MYO3A: variants seen among roughly 807,000 people sequenced by gnomAD.
The protein encoded by MYO3A is myosin-IIIa.
A neutral mutation model predicts 192.7 loss-of-function variants in MYO3A; 180 were observed. The ratio of observed to expected loss-of-function variants is 0.93; its 90% CI spans 0.83 to 1.06. MYO3A has a LOEUF of 1.06. Ranked by LOEUF, MYO3A falls within the 50% of genes least tolerant of loss-of-function variation. MYO3A has a pLI of 0.00. For missense variants in MYO3A, 1,896 were observed against 1,905.0 expected, an observed-to-expected ratio of 1.00 and a Z score of 0.09; for synonymous variants, 628 against 645.3, an observed-to-expected ratio of 0.97 and a Z score of 0.41.
chr10:26,201,419 GCCTGTAAT>G lies in MYO3A; in HGVS notation c.4586+117_4586+124del, dbSNP rs2132203930. 3 of 648,662 alleles carry G rather than the reference GCCTGTAAT, an allele frequency of 4.6e-6. No individual in the cohort carries two copies. In the East Asian group the frequency reaches 1.2e-4, roughly 25 times the overall value. The allele number at this position is 648,662 out of a possible 1,614,324, so 40.2% of individuals were successfully genotyped here. ...TTTTAGGCCAGGCGCGGTGGCTCAC[GCCTGTAAT>G]CCCAGAACTTTGGGAGGCCGAGGCG... On this transcript the variant is annotated intron_variant, in intron 33 of 34. Coordinates refer to ENST00000642920, the MANE Select transcript of MYO3A (RefSeq NM_017433.5).
chr10:26,076,676 G>A (rs1208295572), intron 14 of MYO3A, among the ~76,000 whole-genome samples: 1 of 152,210 alleles, frequency 6.6e-6, no homozygotes, highest in East Asian at 1.9e-4. Flanking sequence ...TTTGTGTAAG[G>A]TGAGAGATGA....
chr10:26,201,749 C>T (rs1843687032), intron 33 of MYO3A, among the ~76,000 whole-genome samples: 1 of 151,846 alleles, frequency 6.6e-6, no homozygotes, highest in Non-Finnish European at 1.5e-5. Context: ...AATGTGCACC[C>T]AATACATTTA....
intron 4 of MYO3A, among the ~76,000 whole-genome samples, chr10:25,966,197 A>G (rs1838256585): frequency 6.6e-6 from 1 of 152,138 alleles, no homozygotes; most frequent in African/African-American, 2.4e-5. Flanking sequence ...TACTTTGAAG[A>G]GGTATCTTCC....
Position 26,212,175 on chromosome 10 carries a change from G to A in MYO3A, c.*212G>A, listed in dbSNP as rs1440393381. 5 of 660,758 alleles carry A rather than the reference G, an allele frequency of 7.6e-6. No individual in the cohort carries two copies. The East Asian group carries it at 8.5e-5, about 11-fold the overall frequency. The allele number at this position is 660,758 out of a possible 1,614,324, so 40.9% of individuals were successfully genotyped here. On this transcript the variant is annotated 3_prime_UTR_variant, in exon 35 of 35. Transcript: ENST00000642920. ...TGGGAGCCCTCGGGAAACCTCCCCC[G>A]ACGCTCTCTCTCGGAACTCCCGCAC...
At position 26,027,990 on chromosome 10, in the gene MYO3A, C is replaced by G. The variant is rs141329708; in HGVS notation, c.953+1458C>G. Reference sequence around the variant, plus strand: ...TAATTTCACTTTATTCTTGAAAATCCTATTTGTTTCATCCCAGAAACATAT... The same window carrying G: ...TAATTTCACTTTATTCTTGAAAATCGTATTTGTTTCATCCCAGAAACATAT... On this transcript the variant is annotated intron_variant, in intron 10 of 34. Coordinates refer to ENST00000642920, the MANE Select transcript of MYO3A (RefSeq NM_017433.5). Among the ~76,000 whole-genome samples the G allele has an allele frequency of 5.5e-4, 83 of 152,174 alleles. 1 individual carries two copies. The East Asian group carries it at 0.014, about 26-fold the overall frequency.
At chr10:26,115,116 A>G (rs1838422115) in intron 17 of MYO3A, among the ~76,000 whole-genome samples, 1 of 152,188 alleles carries the variant, frequency 6.6e-6, no homozygotes, top group Non-Finnish European at 1.5e-5. Context: ...CTTGGTAGGA[A>G]GCTGGAGGTT....
intron 26 of MYO3A, among the ~76,000 whole-genome samples, chr10:26,159,445 C>A (rs1021859101): frequency 6.6e-6 from 1 of 150,502 alleles, no homozygotes; most frequent in African/African-American, 2.4e-5. Flanking sequence ...CTGCAAGCTC[C>A]GCTTCACAGT....
intron 10 of MYO3A, among the ~76,000 whole-genome samples, chr10:26,041,693 A>G (rs1843358008): frequency 6.6e-6 from 1 of 152,062 alleles, no homozygotes; most frequent in African/African-American, 2.4e-5. Context: ...TAAACAAACA[A>G]ACAAACAAAA....
chr10:26,106,098 C>A (rs779299504), intron 17 of MYO3A, among the ~76,000 whole-genome samples: 63 of 151,994 alleles, frequency 4.1e-4, no homozygotes, highest in Non-Finnish European at 7.9e-4. Flanking sequence ...TTTTCCTTAG[C>A]TATTGTTTAG....
intron 23 of MYO3A, among the ~76,000 whole-genome samples, chr10:26,153,161 T>C (rs1443365966): frequency 1.3e-5 from 2 of 152,232 alleles, no homozygotes; most frequent in Non-Finnish European, 1.5e-5. Flanking sequence ...GGGCCTTCCA[T>C]GTGCCAGACA....
intron 23 of MYO3A, among the ~76,000 whole-genome samples, chr10:26,152,210 C>T (rs908715455): frequency 6.6e-6 from 1 of 152,178 alleles, no homozygotes; most frequent in African/African-American, 2.4e-5. Flanking sequence ...ATAGCAAAGA[C>T]ATATGGATTT....
At chr10:26,057,615 ATAAT>A (rs754266022) in intron 10 of MYO3A, among the ~76,000 whole-genome samples, 22 of 152,178 alleles carry the variant, frequency 1.4e-4, no homozygotes, top group Non-Finnish European at 3.1e-4. Context: ...GATGGGTAAA[ATAAT>A]TAATGAGTAG....
chr10:26,089,685 A>G (rs1836575860), intron 15 of MYO3A, among the ~76,000 whole-genome samples: 1 of 152,088 alleles, frequency 6.6e-6, no homozygotes, highest in South Asian at 2.1e-4. Flanking sequence ...ACTTTGGGTA[A>G]GATATTTAAA....
intron 6 of MYO3A, among the ~76,000 whole-genome samples, chr10:26,010,450 G>GTTTTTT (rs778349166): frequency 0.019 from 2,087 of 111,038 alleles, 3 homozygotes; most frequent in Non-Finnish European, 0.023. Flanking sequence ...CTAAGTAGTT[G>GTTTTTT]TTTTTTTTTT....
intron 14 of MYO3A, among the ~76,000 whole-genome samples, chr10:26,072,153 G>A (rs1454387627): frequency 6.6e-6 from 1 of 152,128 alleles, no homozygotes; most frequent in Admixed American, 6.5e-5. Flanking sequence ...AGAACAGCAT[G>A]GGGGAAACTG....
chr10:26,122,631 A>G (rs1029611286), intron 18 of MYO3A, among the ~76,000 whole-genome samples: 4 of 152,194 alleles, frequency 2.6e-5, no homozygotes, highest in Middle Eastern at 3.4e-3. Flanking sequence ...ATTCTCCACA[A>G]TTCTTTCAGA....
intron 31 of MYO3A, among the ~76,000 whole-genome samples, chr10:26,178,911 C>G (rs1156684922): frequency 6.6e-6 from 1 of 151,672 alleles, no homozygotes; most frequent in Non-Finnish European, 1.5e-5. Flanking sequence ...TCACCATTCT[C>G]CTGCCTCAGC....
intron 18 of MYO3A, among the ~76,000 whole-genome samples, chr10:26,123,858 G>A (rs1248440314): frequency 6.6e-6 from 1 of 152,046 alleles, no homozygotes; most frequent in Non-Finnish European, 1.5e-5. Context: ...CCCAGGAGGC[G>A]GAGCTTGCAG....
intron 14 of MYO3A, among the ~76,000 whole-genome samples, chr10:26,076,688 G>A (rs1835596235): frequency 6.6e-6 from 1 of 152,096 alleles, no homozygotes. Context: ...GAGAGATGAG[G>A]ATCCAGTTTC....
Sources: gnomAD v4.1 joint callset for allele counts (sites outside exome capture counted in the v4.1 genomes callset) on GRCh38, gnomAD v4.1.1 for gene constraint, MANE v1.5 for transcripts, NCBI Gene and HGNC (gene_info 2026-07-23, HGNC 2026-07-21) for gene names.